TNR: variants seen among roughly 807,000 people sequenced by gnomAD.
TNR encodes tenascin R.
TNR carries 45 observed loss-of-function variants against 150.4 expected under a neutral mutation model. The ratio of observed to expected loss-of-function variants is 0.30; its 90% CI spans 0.24 to 0.38. TNR has a LOEUF of 0.38. TNR is among the 10% of genes least tolerant of loss of function. The pLI, the probability that TNR is intolerant of heterozygous loss-of-function variation, is 1.00. For synonymous variants in TNR, 687 were observed against 678.4 expected, an observed-to-expected ratio of 1.01 and a Z score of -0.20; for missense variants, 1,544 against 1,759.1, an observed-to-expected ratio of 0.88 and a Z score of 2.19.
intron 1 of TNR, among the ~76,000 whole-genome samples, chr1:175,588,802 C>T (rs540252588): frequency 2.6e-4 from 39 of 152,278 alleles, no homozygotes; most frequent in African/African-American, 9.1e-4. Context: ...GTCAGGGTAA[C>T]TTAGTTCATG....
chr1:175,548,041 C>G (rs946575922), intron 1 of TNR, among the ~76,000 whole-genome samples: 3 of 152,148 alleles, frequency 2.0e-5, no homozygotes, highest in African/African-American at 7.2e-5. Context: ...GGCAAAGAGA[C>G]CTGGTGGGGA....
At chr1:175,656,190 G>GTGTA (rs1249350077) in intron 1 of TNR, among the ~76,000 whole-genome samples, 1 of 135,064 alleles carries the variant, frequency 7.4e-6, no homozygotes, top group East Asian at 2.1e-4. Flanking sequence ...GTGTGTGTGT[G>GTGTA]TATGTGGTCT....
intron 2 of TNR, among the ~76,000 whole-genome samples, chr1:175,493,730 T>C (rs986840564): frequency 1.3e-5 from 2 of 152,164 alleles, no homozygotes; most frequent in Non-Finnish European, 2.9e-5. Flanking sequence ...TGGGGGGTAG[T>C]GGTCCTGGCC....
chr1:175,315,536 A>C lies in TNR; in HGVS notation c.*7821T>G, dbSNP rs1385932011. The C allele has an allele frequency of 1.3e-5, 2 of 151,346 alleles. No individual in the cohort carries two copies. Among genetic ancestry groups the C allele is most frequent in the African/African-American group, 4.9e-5 (2 of 41,082 alleles). 9.4% of individuals were successfully genotyped at this position (151,346 alleles called of 1,614,324 possible). Reference sequence around the variant, plus strand: ...CAATAAATTGGTCTTTGTTATTTTTACCTGAAAAGGCTGTTAAAGGTTAAA... The same window carrying C: ...CAATAAATTGGTCTTTGTTATTTTTCCCTGAAAAGGCTGTTAAAGGTTAAA... On this transcript the variant is annotated 3_prime_UTR_variant, in exon 23 of 23. Transcript: ENST00000367674.
At chr1:175,480,889 C>T (rs1657778520) in intron 2 of TNR, among the ~76,000 whole-genome samples, 1 of 152,142 alleles carries the variant, frequency 6.6e-6, no homozygotes, top group South Asian at 2.1e-4. Context: ...TCCTAGATCA[C>T]TTCTTATCCC....
At chr1:175,674,903 G>A (rs1049482669) in intron 1 of TNR, among the ~76,000 whole-genome samples, 4 of 152,074 alleles carry the variant, frequency 2.6e-5, no homozygotes, top group African/African-American at 9.7e-5. Flanking sequence ...ACCTAATAGA[G>A]CTCTTACCCG....
At chr1:175,736,260 G>A (rs1169331961) in intron 1 of TNR, among the ~76,000 whole-genome samples, 1 of 152,230 alleles carries the variant, frequency 6.6e-6, no homozygotes, top group Non-Finnish European at 1.5e-5. Context: ...GGTGGCTCAC[G>A]CCTGTAATCC....
intron 1 of TNR, among the ~76,000 whole-genome samples, chr1:175,579,205 CTTCT>C (rs1187005486): frequency 2.1e-5 from 3 of 146,160 alleles, no homozygotes; most frequent in African/African-American, 7.6e-5. Flanking sequence ...TCCTTCCTTC[CTTCT>C]TTCCTTCCTT....
chr1:175,461,242 T>C (rs144810592), intron 2 of TNR, among the ~76,000 whole-genome samples: 160 of 152,216 alleles, frequency 1.1e-3, no homozygotes, highest in African/African-American at 3.6e-3. Context: ...TGACCTGCAG[T>C]TGGGGTTCAT....
intron 1 of TNR, among the ~76,000 whole-genome samples, chr1:175,732,868 T>A (rs1453704651): frequency 6.6e-6 from 1 of 152,232 alleles, no homozygotes; most frequent in Non-Finnish European, 1.5e-5. Flanking sequence ...ATGAAGTACT[T>A]AGATCATTGC....
intron 2 of TNR, among the ~76,000 whole-genome samples, chr1:175,493,752 G>C (rs1658356407): frequency 6.6e-6 from 1 of 152,208 alleles, no homozygotes; most frequent in Admixed American, 6.5e-5. Flanking sequence ...CAAGCCATGG[G>C]AGCCGGTGCC....
intron 9 of TNR, among the ~76,000 whole-genome samples, chr1:175,370,061 G>A (rs969081258): frequency 6.6e-6 from 1 of 152,110 alleles, no homozygotes; most frequent in Non-Finnish European, 1.5e-5. Flanking sequence ...TTTCTCTAAA[G>A]TGGCAACACC....
chr1:175,588,892 T>TGGGAACAAGA (rs1662682270), intron 1 of TNR, among the ~76,000 whole-genome samples: 1 of 152,158 alleles, frequency 6.6e-6, no homozygotes, highest in Non-Finnish European at 1.5e-5. Context: ...ATGCCTTAAC[T>TGGGAACAAGA]GGGAACAAGA....
chr1:175,659,057 G>A (rs562908723), intron 1 of TNR, among the ~76,000 whole-genome samples: 10 of 152,306 alleles, frequency 6.6e-5, no homozygotes, highest in Admixed American at 3.3e-4. Flanking sequence ...GCCACTACTC[G>A]CCCCTGACTC....
chr1:175,557,583 C>T (rs777086905), intron 1 of TNR, among the ~76,000 whole-genome samples: 217 of 152,148 alleles, frequency 1.4e-3, no homozygotes, highest in Non-Finnish European at 2.8e-3. Flanking sequence ...AGCCATCTCA[C>T]ACCAGTTAGA....
intron 1 of TNR, among the ~76,000 whole-genome samples, chr1:175,714,199 C>T (rs891186390): frequency 1.3e-5 from 2 of 151,990 alleles, no homozygotes; most frequent in Non-Finnish European, 2.9e-5. Context: ...CTCTGCTGTC[C>T]TCAGATCTCC....
intron 1 of TNR, among the ~76,000 whole-genome samples, chr1:175,630,719 G>T (rs1664299178): frequency 6.6e-6 from 1 of 152,126 alleles, no homozygotes; most frequent in Admixed American, 6.6e-5. Context: ...TCCTTTTAAT[G>T]AATAAAACAC....
intron 1 of TNR, among the ~76,000 whole-genome samples, chr1:175,698,749 C>T (rs544762941): frequency 1.3e-4 from 19 of 151,876 alleles, no homozygotes; most frequent in Non-Finnish European, 7.4e-5. Flanking sequence ...GCAGGGGAAT[C>T]GCTTGGACCT....
intron 1 of TNR, among the ~76,000 whole-genome samples, chr1:175,595,187 T>C (rs974148503): frequency 6.6e-6 from 1 of 152,044 alleles, no homozygotes; most frequent in African/African-American, 2.4e-5. Context: ...TATTTTAGGA[T>C]AGGAATAATT....
Sources: gnomAD v4.1 joint callset for allele counts (sites outside exome capture counted in the v4.1 genomes callset) on GRCh38, gnomAD v4.1.1 for gene constraint, MANE v1.5 for transcripts, NCBI Gene and HGNC (gene_info 2026-07-23, HGNC 2026-07-21) for gene names.